Variants in RPTOR observed in about 807,000 individuals in gnomAD.
RPTOR encodes regulatory-associated protein of mTOR.
In RPTOR, 21 loss-of-function variants were observed where a neutral mutation model predicts 169.9. That is an observed-to-expected ratio of 0.12 (90% confidence interval 0.09 to 0.18). The LOEUF (loss-of-function observed/expected upper bound fraction) is 0.18, where lower values mean the gene tolerates loss of function less well. RPTOR is among the 10% of genes least tolerant of loss of function. RPTOR has a pLI of 1.00. For synonymous variants in RPTOR, 732 were observed against 753.2 expected, an observed-to-expected ratio of 0.97 and a Z score of 0.46; for missense variants, 1,133 against 1,855.9, an observed-to-expected ratio of 0.61 and a Z score of 7.16.
chr17:80,742,943 T>TACACAC (rs138446030), intron 5 of RPTOR, among the ~76,000 whole-genome samples: 1 of 150,840 alleles, frequency 6.6e-6, no homozygotes, highest in African/African-American at 2.4e-5. Context: ...CACTCACCTA[T>TACACAC]ACACACACAC....
At chr17:80,912,140 G>A (rs4969226) in intron 21 of RPTOR, among the ~76,000 whole-genome samples, 125,990 of 152,266 alleles carry the variant, frequency 0.83, 52,406 homozygotes, top group Non-Finnish European at 0.87. Flanking sequence ...CACTAAAATA[G>A]TTGTAAAAGC....
At chr17:80,855,815 G>A (rs1015625303) in intron 12 of RPTOR, among the ~76,000 whole-genome samples, 3 of 152,142 alleles carry the variant, frequency 2.0e-5, no homozygotes, top group African/African-American at 7.2e-5. Context: ...AGGAGTGAGT[G>A]TGTTGTCGGC....
At chr17:80,916,536 C>G (rs1168529408) in intron 21 of RPTOR, among the ~76,000 whole-genome samples, 2 of 152,248 alleles carry the variant, frequency 1.3e-5, no homozygotes, top group Non-Finnish European at 2.9e-5. Flanking sequence ...CAGTGTGAGC[C>G]AAGCGCAGCC....
intron 2 of RPTOR, among the ~76,000 whole-genome samples, chr17:80,638,326 T>C (rs2065524561): frequency 6.6e-6 from 1 of 152,088 alleles, no homozygotes; most frequent in Non-Finnish European, 1.5e-5. Flanking sequence ...AGCCGTATGC[T>C]CTGTGCACAC....
chr17:80,669,494 C>G (rs2065805651), intron 3 of RPTOR, among the ~76,000 whole-genome samples: 1 of 152,206 alleles, frequency 6.6e-6, no homozygotes, highest in Non-Finnish European at 1.5e-5. Context: ...AAGCGATTCT[C>G]CTGCCTCAGC....
rs1191412360 is a variant in RPTOR at position 80,925,415 on chromosome 17, T to C, written c.2854T>C (p.Ser952Pro). 1 of 1,613,662 alleles carries C rather than the reference T, an allele frequency of 6.2e-7. No homozygotes were observed. The highest frequency in any genetic ancestry group is 2.2e-5 in the East Asian group (1 of 44,892). Residue 952 changes from serine (S) to proline (P), a missense_variant, in exon 24 of 34, where the codon TCC (serine) becomes CCC (proline). Ser to Pro is a moderately conservative substitution (Grantham distance 74, BLOSUM62 -1). This residue lies in a region of RPTOR where 410 missense variants were observed against 623.7 expected (regional missense o/e 0.66). Coordinates refer to ENST00000306801, the MANE Select transcript of RPTOR (RefSeq NM_020761.3). ...DDAAGHKSFISATVQTGFCDW... is the reference protein window; with the variant it reads ...DDAAGHKSFIPATVQTGFCDW... ...TGCTGCTGGACACAAAAGTTTCATC[T>C]CCGCCACGGTGCAGACGGGGTTCTG...
At chr17:80,744,839 T>G (rs78147300) in intron 5 of RPTOR, among the ~76,000 whole-genome samples, 54 of 11,948 alleles carry the variant, frequency 4.5e-3, no homozygotes, top group East Asian at 0.021. Flanking sequence ...CCCTGGTTAC[T>G]AGCACTGTCC....
chr17:80,642,835 A>G (rs1347501969), intron 2 of RPTOR, among the ~76,000 whole-genome samples: 3 of 152,222 alleles, frequency 2.0e-5, no homozygotes, highest in Non-Finnish European at 4.4e-5. Context: ...ATATGCAGTC[A>G]CTGAAACCAT....
chr17:80,720,113 T>G (rs950784552), intron 4 of RPTOR, among the ~76,000 whole-genome samples: 9 of 152,144 alleles, frequency 5.9e-5, no homozygotes, highest in Admixed American at 2.6e-4. Context: ...ACCAGCATGG[T>G]GAAACCCTGT....
chr17:80,766,167 C>T (rs935149501), intron 6 of RPTOR, among the ~76,000 whole-genome samples: 1 of 152,130 alleles, frequency 6.6e-6, no homozygotes, highest in Admixed American at 6.5e-5. Flanking sequence ...GCAATCCCCC[C>T]ACCTCAGCCC....
chr17:80,908,687 G>A (rs1162830049), intron 20 of RPTOR, 124 bp from the exon 21 acceptor site: 2 of 697,274 alleles, frequency 2.9e-6, no homozygotes, highest in Non-Finnish European at 5.0e-6. Context: ...GGGGCTTCCT[G>A]TAACCTCGGC....
intron 6 of RPTOR, among the ~76,000 whole-genome samples, chr17:80,779,957 G>A (rs2066924489): frequency 2.0e-5 from 3 of 152,078 alleles, no homozygotes; most frequent in African/African-American, 2.4e-5. Context: ...TGCAGGAGTC[G>A]GGGGTACCCA....
intron 1 of RPTOR, among the ~76,000 whole-genome samples, chr17:80,616,298 CTTTT>C (rs201229448): frequency 1.1e-4 from 12 of 113,270 alleles, no homozygotes; most frequent in South Asian, 2.9e-4. Flanking sequence ...AATTGAAAAT[CTTTT>C]TTTTTTTTTT....
chr17:80,606,179 T>G lies in RPTOR; in HGVS notation c.163-19512T>G, dbSNP rs1296782625. Among the ~76,000 whole-genome samples, 3 of 152,176 alleles carry G rather than the reference T, an allele frequency of 2.0e-5. No homozygotes were observed. In the East Asian group the frequency reaches 5.8e-4, roughly 29 times the overall value. On this transcript the variant is annotated intron_variant, in intron 1 of 33. Coordinates refer to ENST00000306801, the MANE Select transcript of RPTOR (RefSeq NM_020761.3). The stretch of plus-strand genomic sequence containing the variant: ...GGAACCCACCACCATGTCCGGCTAA[T>G]TTTTGTATTTTCAGTAGAGACGGGG...
At chr17:80,598,882 TTCTA>T (rs57535540) in intron 1 of RPTOR, among the ~76,000 whole-genome samples, 13,217 of 146,812 alleles carry the variant, frequency 0.09, 571 homozygotes, top group African/African-American at 0.11. Context: ...TCTTGATTCT[TTCTA>T]TCTATCTATC....
At position 80,702,951 on chromosome 17, in the gene RPTOR, G is replaced by A. The variant is rs565437928; in HGVS notation, c.349-4890G>A. On this transcript the variant is annotated intron_variant, in intron 3 of 33. Transcript: ENST00000306801. ...AACTGCCGCAGCAGTAATGTAATAA[G>A]TGAGATGGAGCAGGAGGCACTTGAC... Among the ~76,000 whole-genome samples the A allele has an allele frequency of 3.3e-5, 5 of 152,332 alleles. No individual in the cohort carries two copies. In the East Asian group the frequency reaches 9.6e-4, roughly 29 times the overall value.
intron 5 of RPTOR, among the ~76,000 whole-genome samples, chr17:80,739,693 T>C (rs1201178383): frequency 3.3e-5 from 5 of 152,010 alleles, no homozygotes; most frequent in African/African-American, 1.2e-4. Flanking sequence ...AAACAACGTA[T>C]TTCTAAATAA....
intron 20 of RPTOR, among the ~76,000 whole-genome samples, chr17:80,897,697 C>T (rs1393829233): frequency 6.6e-6 from 1 of 152,202 alleles, no homozygotes; most frequent in African/African-American, 2.4e-5. Flanking sequence ...CTTGTCCTGA[C>T]CTGGCTGGTT....
chr17:80,889,456 A>G (rs2068289024), intron 17 of RPTOR, among the ~76,000 whole-genome samples: 1 of 152,152 alleles, frequency 6.6e-6, no homozygotes, highest in Non-Finnish European at 1.5e-5. Flanking sequence ...AGGACCTGGG[A>G]AGCCTGGCCA....
Sources: gnomAD v4.1 joint callset for allele counts (sites outside exome capture counted in the v4.1 genomes callset) on GRCh38, gnomAD v4.1.1 for gene constraint, gnomAD v4.1.1 regional missense constraint, MANE v1.5 for transcripts, NCBI Gene and HGNC (gene_info 2026-07-23, HGNC 2026-07-21) for gene names.